Variants in CTCF observed in about 807,000 individuals in gnomAD.
CTCF encodes the protein CCCTC-binding factor, also known as transcriptional repressor CTCF.
In CTCF, 7 loss-of-function variants were observed where a neutral mutation model predicts 72.3. That is an observed-to-expected ratio of 0.10 (90% CI 0.06 to 0.18). The LOEUF is 0.18. CTCF is among the 10% of genes least tolerant of loss of function. The probability of loss-of-function intolerance (pLI) is 1.00; values close to 1 mark genes in which losing one functional copy is unlikely to be tolerated. For missense variants in CTCF, 516 were observed against 949.1 expected (o/e 0.54, Z 6.00); for synonymous variants, 374 against 315.8 (o/e 1.18, Z -1.95).
At chr16:67,611,842 G>A (rs1033150921) in intron 3 of CTCF, 109 bp from the exon 4 acceptor site, 2 of 1,053,510 alleles carry the variant, frequency 1.9e-6, no homozygotes, top group Admixed American at 4.3e-5. Context: ...GACTTATATT[G>A]GGTTTTGTTA....
intron 9 of CTCF, among the ~76,000 whole-genome samples, chr16:67,628,796 C>G (rs990716821): frequency 1.3e-5 from 2 of 152,280 alleles, no homozygotes; most frequent in South Asian, 4.1e-4. Flanking sequence ...CGCGGTGGCT[C>G]GCGCCTGTAA....
intron 10 of CTCF, among the ~76,000 whole-genome samples, chr16:67,633,507 G>C (rs2052390683): frequency 6.6e-6 from 1 of 152,282 alleles, no homozygotes; most frequent in South Asian, 2.1e-4. Flanking sequence ...ATTGGGTCTA[G>C]TACAGCTGGG....
intron 11 of CTCF, among the ~76,000 whole-genome samples, chr16:67,637,379 A>G (rs895803499): frequency 6.6e-6 from 1 of 152,098 alleles, no homozygotes; most frequent in East Asian, 1.9e-4. Context: ...TAAAAATACA[A>G]AAATTAGCCA....
intron 5 of CTCF, among the ~76,000 whole-genome samples, chr16:67,617,677 C>T (rs1183044083): frequency 2.6e-5 from 4 of 152,000 alleles, no homozygotes; most frequent in East Asian, 1.9e-4. Context: ...AGTGAAACTC[C>T]GTCTTAAAAA....
At chr16:67,581,691 T>G (rs1440291658) in intron 2 of CTCF, among the ~76,000 whole-genome samples, 1 of 151,772 alleles carries the variant, frequency 6.6e-6, no homozygotes, top group African/African-American at 2.4e-5. Context: ...TTAGTAGAGA[T>G]GAGGTTTTAT....
At chr16:67,565,915 G>C (rs1262854391) in intron 1 of CTCF, among the ~76,000 whole-genome samples, 3 of 152,162 alleles carry the variant, frequency 2.0e-5, no homozygotes, top group African/African-American at 2.4e-5. Flanking sequence ...GAGGAATCCT[G>C]GGCAGAGCCT....
intron 2 of CTCF, among the ~76,000 whole-genome samples, chr16:67,595,013 G>T (rs376986044): frequency 1.4e-4 from 22 of 152,260 alleles, no homozygotes; most frequent in African/African-American, 5.3e-4. Flanking sequence ...GGTGAGGTTG[G>T]GTGGGTGGAA....
At chr16:67,601,259 G>GTT (rs1262678288) in intron 2 of CTCF, among the ~76,000 whole-genome samples, 22 of 120,922 alleles carry the variant, frequency 1.8e-4, no homozygotes, top group African/African-American at 7.3e-4. Flanking sequence ...TGTGTGTTTT[G>GTT]TTTTGTTTTT....
chr16:67,622,273 G>C (rs2052210645), intron 7 of CTCF, among the ~76,000 whole-genome samples: 1 of 151,656 alleles, frequency 6.6e-6, no homozygotes. Context: ...GGAGAATGGC[G>C]TGAACCTGGG....
At position 67,610,841 on chromosome 16, in the gene CTCF, T is replaced by A; in HGVS notation, c.9T>A (p.Gly3=). The A allele has an allele frequency of 6.8e-7, 1 of 1,470,904 alleles. No individual in the cohort carries two copies. Among genetic ancestry groups the A allele is most frequent in the South Asian group, 1.6e-5 (1 of 62,038 alleles). The allele number at this position is 1,470,904 out of a possible 1,614,324, so 91.1% of individuals were successfully genotyped here. ME[G]DAVEAIVEES... The stretch of plus-strand genomic sequence containing the variant: ...TAATAAAGGCAGGGGAAATGGAAGG[T>A]GATGCAGTCGAAGCCATTGTGGAGG... Residue 3 remains glycine (G), a synonymous_variant, in exon 3 of 12, where the codon GGT becomes GGA. Transcript: ENST00000264010.
intron 2 of CTCF, among the ~76,000 whole-genome samples, chr16:67,572,917 G>A (rs1014535332): frequency 9.5e-5 from 14 of 147,480 alleles, no homozygotes; most frequent in Non-Finnish European, 1.5e-4. Context: ...TCCACCCTGG[G>A]CGACAGAGTG....
intron 10 of CTCF, among the ~76,000 whole-genome samples, chr16:67,631,163 TTGTTTTTTG>T (rs1311292944): frequency 1.5e-5 from 2 of 134,948 alleles, no homozygotes; most frequent in South Asian, 2.3e-4. Flanking sequence ...TGTTTTTTTT[TTGTTTTTTG>T]TTTTTTTTTT....
intron 2 of CTCF, among the ~76,000 whole-genome samples, chr16:67,590,463 A>G (rs978384592): frequency 2.6e-5 from 4 of 151,774 alleles, no homozygotes; most frequent in African/African-American, 7.2e-5. Flanking sequence ...AATTATTTCT[A>G]CACACACACA....
At chr16:67,593,041 T>G (rs949883756) in intron 2 of CTCF, among the ~76,000 whole-genome samples, 1 of 149,210 alleles carries the variant, frequency 6.7e-6, no homozygotes, top group African/African-American at 2.4e-5. Context: ...AAAAAATTTA[T>G]ATATATATGT....
At chr16:67,609,822 C>T (rs764493440) in intron 2 of CTCF, among the ~76,000 whole-genome samples, 9 of 152,036 alleles carry the variant, frequency 5.9e-5, no homozygotes, top group Non-Finnish European at 1.3e-4. Flanking sequence ...GACGGGGTTT[C>T]ACCGTGTTAG....
intron 5 of CTCF, among the ~76,000 whole-genome samples, chr16:67,617,370 G>T (rs2052145337): frequency 6.6e-6 from 1 of 152,006 alleles, no homozygotes; most frequent in Admixed American, 6.6e-5. Flanking sequence ...GTGGTGGCAG[G>T]CACCTATAGT....
chr16:67,617,034 TATG>T (rs2052140602), intron 5 of CTCF, among the ~76,000 whole-genome samples, 156 bp downstream of exon 5: 1 of 152,138 alleles, frequency 6.6e-6, no homozygotes, highest in Non-Finnish European at 1.5e-5. Context: ...CCAAAAAACT[TATG>T]ATGATTGTGA....
chr16:67,624,047 CAA>C (rs560002527), intron 7 of CTCF, among the ~76,000 whole-genome samples: 276 of 77,800 alleles, frequency 3.5e-3, no homozygotes, highest in African/African-American at 0.011. Flanking sequence ...GACACTGTCT[CAA>C]AAAAAAAAAA....
intron 2 of CTCF, among the ~76,000 whole-genome samples, chr16:67,587,645 T>A (rs1237504441): frequency 2.0e-5 from 3 of 151,940 alleles, no homozygotes; most frequent in Non-Finnish European, 4.4e-5. Flanking sequence ...CTTACTCTGC[T>A]TGGCACAGTG....
Sources: allele counts gnomAD v4.1 joint callset (sites outside exome capture counted in the v4.1 genomes callset), GRCh38; gene constraint gnomAD v4.1.1; transcripts MANE v1.5; gene names NCBI Gene and HGNC (gene_info 2026-07-23, HGNC 2026-07-21).